The following SETD3 variants were observed in gnomAD, a reference collection of about 807,000 sequenced individuals.
SETD3 encodes the protein actin-histidine N-methyltransferase.
Under a neutral mutation model 63.0 loss-of-function variants are expected in SETD3, and 19 were observed. The ratio of observed to expected loss-of-function variants is 0.30; its 90% CI spans 0.21 to 0.44. SETD3 has a LOEUF of 0.44. Ranked by LOEUF, SETD3 falls within the 20% of genes least tolerant of loss-of-function variation. The probability of loss-of-function intolerance (pLI) is 1.00; values close to 1 mark genes in which losing one functional copy is unlikely to be tolerated. For synonymous variants in SETD3, 286 were observed against 264.1 expected (o/e 1.08, Z -0.80); for missense variants, 587 against 728.5 (o/e 0.81, Z 2.24).
intron 1 of SETD3, among the ~76,000 whole-genome samples, chr14:99,476,635 A>G (rs1293138375): frequency 2.6e-5 from 4 of 152,240 alleles, no homozygotes; most frequent in East Asian, 1.9e-4. Flanking sequence ...AGCAGCTTTT[A>G]TAAGTATTTG....
chr14:99,416,236 CA>C (rs907439353), intron 6 of SETD3, among the ~76,000 whole-genome samples: 2 of 150,502 alleles, frequency 1.3e-5, no homozygotes, highest in African/African-American at 4.9e-5. Context: ...TAAAAACAAA[CA>C]AAAAAAAACC....
chr14:99,454,128 T>A (rs1035881253), intron 6 of SETD3, among the ~76,000 whole-genome samples: 3 of 152,164 alleles, frequency 2.0e-5, no homozygotes, highest in Non-Finnish European at 4.4e-5. Context: ...ATCATTTGCA[T>A]GAATTTTTAA....
At chr14:99,424,454 TG>T (rs1892769363) in intron 6 of SETD3, among the ~76,000 whole-genome samples, 1 of 152,160 alleles carries the variant, frequency 6.6e-6, no homozygotes, top group Admixed American at 6.5e-5. Flanking sequence ...CTGCTGGGGC[TG>T]GAAGAACTCT....
At chr14:99,418,772 T>C (rs1236335980) in intron 6 of SETD3, among the ~76,000 whole-genome samples, 1 of 151,916 alleles carries the variant, frequency 6.6e-6, no homozygotes, top group Non-Finnish European at 1.5e-5. Flanking sequence ...AGTAAGAAGA[T>C]GGACATCCCC....
chr14:99,406,708 T>A, intron 8 of SETD3, 118 bp from the exon 9 acceptor site: 1 of 980,902 alleles, frequency 1.0e-6, no homozygotes, highest in Non-Finnish European at 1.6e-6. Context: ...ACTCAAAAGG[T>A]GGCATCTGAA....
intron 1 of SETD3, among the ~76,000 whole-genome samples, chr14:99,480,282 G>C (rs889412355): frequency 6.6e-5 from 10 of 152,078 alleles, no homozygotes; most frequent in Non-Finnish European, 1.3e-4. Context: ...ACCCGGCCGC[G>C]CGCAGAGCCG....
At chr14:99,405,153 G>A in intron 10 of SETD3, 52 bp downstream of exon 10, 1 of 1,571,470 alleles carries the variant, frequency 6.4e-7, no homozygotes, top group Non-Finnish European at 8.6e-7. Flanking sequence ...CTATGCAACT[G>A]GAAATAGTTC....
At chr14:99,472,820 G>A (rs927984306) in intron 1 of SETD3, among the ~76,000 whole-genome samples, 9 of 151,880 alleles carry the variant, frequency 5.9e-5, no homozygotes, top group African/African-American at 2.2e-4. Context: ...AAGAAAACAG[G>A]AAAATAGGAC....
intron 8 of SETD3, chr14:99,410,367 T>C (rs1891920596): frequency 9.3e-7 from 1 of 1,077,008 alleles, no homozygotes; most frequent in Non-Finnish European, 1.3e-6. Flanking sequence ...AGATTTTTTT[T>C]TCAATACACA....
chr14:99,449,656 C>T (rs1023476028), intron 6 of SETD3, among the ~76,000 whole-genome samples: 1 of 152,090 alleles, frequency 6.6e-6, no homozygotes, highest in Non-Finnish European at 1.5e-5. Flanking sequence ...AAATGCAATA[C>T]GGGATTCTGG....
At chr14:99,464,356 T>G (rs1895248441) in intron 2 of SETD3, among the ~76,000 whole-genome samples, 1 of 152,236 alleles carries the variant, frequency 6.6e-6, no homozygotes, top group African/African-American at 2.4e-5. Flanking sequence ...AGAGTATATG[T>G]GGCAAATAAC....
intron 1 of SETD3, among the ~76,000 whole-genome samples, chr14:99,467,438 G>C (rs780036813): frequency 2.0e-5 from 3 of 152,208 alleles, no homozygotes; most frequent in Non-Finnish European, 4.4e-5. Flanking sequence ...CAAGAGCAAG[G>C]GCACAGCCTG....
chr14:99,460,999 T>G (rs756650675), intron 4 of SETD3, among the ~76,000 whole-genome samples, 193 bp downstream of exon 4: 6 of 152,166 alleles, frequency 3.9e-5, no homozygotes, highest in Non-Finnish European at 5.9e-5. Flanking sequence ...ATTAGCAACT[T>G]GGCTCCCCAG....
intron 11 of SETD3, 33 bp from the exon 12 acceptor site, chr14:99,400,292 G>A (rs2139605248): frequency 1.3e-6 from 2 of 1,595,194 alleles, no homozygotes; most frequent in Admixed American, 1.7e-5. Flanking sequence ...TCTGTTAGGA[G>A]GAAAACATAG....
chr14:99,475,415 TA>T (rs1234722295), intron 1 of SETD3, among the ~76,000 whole-genome samples: 1 of 152,258 alleles, frequency 6.6e-6, no homozygotes, highest in Non-Finnish European at 1.5e-5. Flanking sequence ...AGATTGCCAG[TA>T]AGAGAAAAAG....
intron 6 of SETD3, among the ~76,000 whole-genome samples, chr14:99,455,568 A>G (rs1884527): frequency 0.42 from 63,754 of 152,008 alleles, 13,865 homozygotes; most frequent in East Asian, 0.56. Context: ...CCAGGAAGGG[A>G]TCTGGAATCA....
chr14:99,440,593 C>T (rs1893747738), intron 6 of SETD3, among the ~76,000 whole-genome samples: 1 of 152,052 alleles, frequency 6.6e-6, no homozygotes. Flanking sequence ...GGCTGGAGGA[C>T]TCAGGAGTGG....
chr14:99,414,491 A>G (rs992030646), intron 6 of SETD3, among the ~76,000 whole-genome samples: 2 of 152,270 alleles, frequency 1.3e-5, no homozygotes, highest in African/African-American at 4.8e-5. Flanking sequence ...ATGCGGATCA[A>G]GCACGGAAAA....
chr14:99,419,126 CTT>C (rs944439729), intron 6 of SETD3, among the ~76,000 whole-genome samples: 10 of 152,114 alleles, frequency 6.6e-5, no homozygotes, highest in African/African-American at 2.4e-4. Context: ...ATTTTTAAGA[CTT>C]TTATTTTTAA....
Sources: allele counts gnomAD v4.1 joint callset (sites outside exome capture counted in the v4.1 genomes callset), GRCh38; gene constraint gnomAD v4.1.1; transcripts MANE v1.5; gene names NCBI Gene and HGNC (gene_info 2026-07-23, HGNC 2026-07-21).